IL10RB: variants seen among roughly 807,000 people sequenced by gnomAD.
The protein encoded by IL10RB is interleukin-10 receptor subunit beta.
Under a neutral mutation model 38.7 loss-of-function variants are expected in IL10RB, and 30 were observed. That is an observed-to-expected ratio of 0.78 (90% CI 0.58 to 1.05). IL10RB has a LOEUF of 1.05. Ranked by LOEUF, IL10RB falls within the 50% of genes least tolerant of loss-of-function variation. The pLI, the probability that IL10RB is intolerant of heterozygous loss-of-function variation, is 0.00. For missense variants in IL10RB, 328 were observed against 397.1 expected (o/e 0.83, Z 1.48); for synonymous variants, 142 against 145.9 (o/e 0.97, Z 0.19).
At chr21:33,286,441 C>T (rs1345012188) in intron 5 of IL10RB, among the ~76,000 whole-genome samples, 5 of 152,048 alleles carry the variant, frequency 3.3e-5, no homozygotes, top group Non-Finnish European at 7.4e-5. Flanking sequence ...GACCTGGAGC[C>T]GAACAAGGGG....
chr21:33,303,874 G>T (rs533702471), intron 1 of IL10RB, among the ~76,000 whole-genome samples: 19 of 152,328 alleles, frequency 1.2e-4, no homozygotes, highest in Admixed American at 7.8e-4. Context: ...TCCCACTAAG[G>T]GGGTGAGGGG....
intron 4 of IL10RB, 36 bp downstream of exon 4, chr21:33,279,954 C>G: frequency 2.5e-6 from 4 of 1,583,780 alleles, no homozygotes; most frequent in Non-Finnish European, 3.5e-6. Flanking sequence ...AGGTAGTAGG[C>G]TTTCATATTC....
At chr21:33,286,264 G>A (rs1275544550) in intron 5 of IL10RB, among the ~76,000 whole-genome samples, 1 of 152,236 alleles carries the variant, frequency 6.6e-6, no homozygotes, top group Non-Finnish European at 1.5e-5. Context: ...GTCATGTGCT[G>A]TGTCAGGGCT....
At chr21:33,288,501 T>C (rs2247878) in intron 6 of IL10RB, among the ~76,000 whole-genome samples, 60,097 of 151,628 alleles carry the variant, frequency 0.4, 12,349 homozygotes, top group Non-Finnish European at 0.45. Flanking sequence ...AGTATCCCTC[T>C]CTGCACCTAG....
chr21:33,296,884 G>A lies in IL10RB; in HGVS notation c.*527G>A, dbSNP rs1238537505. The A allele has an allele frequency of 4.2e-6, 1 of 235,548 alleles. No homozygotes were observed. Among genetic ancestry groups the A allele is most frequent in the Non-Finnish European group, 8.4e-6 (1 of 118,412 alleles). The allele number at this position is 235,548 out of a possible 1,614,324, so 14.6% of individuals were successfully genotyped here. ...AATTGCATGAACCCGGGAGGAGGAG[G>A]AGGAGGTTGCAGTGAGCCGAGATAG... On this transcript the variant is annotated 3_prime_UTR_variant, in exon 7 of 7. Transcript: ENST00000290200.
chr21:33,308,718 T>G (rs913900344), intron 1 of IL10RB: 1 of 152,216 alleles, frequency 6.6e-6, no homozygotes, highest in African/African-American at 2.4e-5. Flanking sequence ...GCAATGGCTC[T>G]CAAAGTGTGT....
chr21:33,278,972 C>T (rs919175404), intron 3 of IL10RB, among the ~76,000 whole-genome samples: 2 of 152,232 alleles, frequency 1.3e-5, no homozygotes, highest in African/African-American at 4.8e-5. Context: ...ATCTGTGTAA[C>T]AGCTGCATTC....
chr21:33,287,555 A>G (rs1299477521), intron 5 of IL10RB, among the ~76,000 whole-genome samples: 1 of 151,944 alleles, frequency 6.6e-6, no homozygotes, highest in African/African-American at 2.4e-5. Flanking sequence ...GTTGTAGAGA[A>G]GGGGTCTCAC....
chr21:33,276,648 T>A lies in IL10RB; in HGVS notation c.226T>A (p.Phe76Ile). 1 of 1,612,848 alleles carries A rather than the reference T, an allele frequency of 6.2e-7. No individual in the cohort carries two copies. The highest frequency in any genetic ancestry group is 1.1e-5 in the South Asian group (1 of 91,054). Residue 76 changes from phenylalanine (F) to isoleucine (I), a missense_variant, in exon 3 of 7, where the codon TTC becomes ATC. Transcript: ENST00000290200. ...CMNTTLTECD[F>I]SSLSKYGDHT... The stretch of plus-strand genomic sequence containing the variant: ...GAATACTACCTTGACGGAATGTGAT[T>A]TCTCAAGTCTTTCCAAGTATGGTGA...
intron 2 of IL10RB, among the ~76,000 whole-genome samples, chr21:33,272,869 T>C (rs1280810537): frequency 6.6e-6 from 1 of 152,256 alleles, no homozygotes; most frequent in African/African-American, 2.4e-5. Context: ...CCAACAGGCA[T>C]GTCCAAATGT....
At position 33,288,277 on chromosome 21, in the gene IL10RB, T is replaced by TGAGA; in HGVS notation, c.804+17_804+20dup. On this transcript the variant is annotated intron_variant, in intron 6 of 6. Coordinates refer to ENST00000290200, the MANE Select transcript of IL10RB (RefSeq NM_000628.5). ...CCTGAAAGAGGTAGGTAGGATGGAG[T>TGAGA]GAGATGTGGATTTGAAAACCTTGAT... 2 of 1,611,210 alleles carry TGAGA rather than the reference T, an allele frequency of 1.2e-6. No homozygotes were observed. The highest frequency in any genetic ancestry group is 1.7e-6 in the Non-Finnish European group (2 of 1,177,672).
intron 3 of IL10RB, among the ~76,000 whole-genome samples, chr21:33,277,768 C>T (rs1437028284): frequency 2.8e-5 from 4 of 143,748 alleles, no homozygotes; most frequent in Admixed American, 1.4e-4. Flanking sequence ...CTCCAGGGTT[C>T]AAATGATTCT....
At chr21:33,280,284 G>A (rs779143382) in intron 4 of IL10RB, among the ~76,000 whole-genome samples, 6 of 152,282 alleles carry the variant, frequency 3.9e-5, no homozygotes, top group African/African-American at 4.8e-5. Flanking sequence ...AATCAGGGAC[G>A]TCCGTGGTCA....
rs372191735 is a variant in IL10RB at position 33,282,623 on chromosome 21, C to T, written c.499-471C>T. On this transcript the variant is annotated intron_variant, in intron 4 of 6. Coordinates refer to ENST00000290200, the MANE Select transcript of IL10RB (RefSeq NM_000628.5). ...CTGAGACAAAGTCTCGCTCTGTCACCGAGGCTGGAGTGCAGTGTGGGGTGA... is the reference window on the plus strand; with the variant it reads ...CTGAGACAAAGTCTCGCTCTGTCACTGAGGCTGGAGTGCAGTGTGGGGTGA... Among the ~76,000 whole-genome samples the T allele has an allele frequency of 4.6e-5, 7 of 151,898 alleles. No homozygotes were observed. The East Asian group carries it at 1.4e-3, about 30-fold the overall frequency.
chr21:33,293,519 AC>A (rs1989529940), intron 6 of IL10RB, among the ~76,000 whole-genome samples: 1 of 151,904 alleles, frequency 6.6e-6, no homozygotes, highest in Admixed American at 6.6e-5. Flanking sequence ...AGCGACTAGA[AC>A]CCCCTACAGA....
chr21:33,307,008 A>C (rs73900313), intron 1 of IL10RB, among the ~76,000 whole-genome samples: 2,889 of 152,168 alleles, frequency 0.019, 92 homozygotes, highest in African/African-American at 0.066. Flanking sequence ...AATCTCCATC[A>C]TGGCTTCCTA....
intron 6 of IL10RB, among the ~76,000 whole-genome samples, chr21:33,290,122 A>C (rs1989457185): frequency 6.6e-6 from 1 of 151,648 alleles, no homozygotes. Context: ...TCAAAAAAAA[A>C]AAATACAAAA....
chr21:33,285,127 GTGAT>G (rs1989350276), intron 5 of IL10RB, among the ~76,000 whole-genome samples: 2 of 152,118 alleles, frequency 1.3e-5, no homozygotes, highest in South Asian at 4.1e-4. Flanking sequence ...CTGACCTCAA[GTGAT>G]CCACCCACCT....
chr21:33,278,062 A>AT (rs1568905793), intron 3 of IL10RB, among the ~76,000 whole-genome samples: 6 of 151,224 alleles, frequency 4.0e-5, no homozygotes, highest in Admixed American at 1.3e-4. Context: ...AAAAAAAAAA[A>AT]AAAAATTAGC....
Sources: allele counts gnomAD v4.1 joint callset (sites outside exome capture counted in the v4.1 genomes callset), GRCh38; gene constraint gnomAD v4.1.1; transcripts MANE v1.5; gene names NCBI Gene and HGNC (gene_info 2026-07-23, HGNC 2026-07-21).